SCML4: variants seen among roughly 807,000 people sequenced by gnomAD.
SCML4 encodes the protein sex comb on midleg-like protein 4.
In SCML4, 34 loss-of-function variants were observed where a neutral mutation model predicts 41.1. That is an observed-to-expected ratio of 0.83 (90% CI 0.63 to 1.10). The LOEUF (loss-of-function observed/expected upper bound fraction) is 1.10. Ranked by LOEUF, SCML4 falls within the 50% of genes least tolerant of loss-of-function variation. SCML4 has a pLI of 0.00. For missense variants in SCML4, 522 were observed against 534.1 expected (o/e 0.98, Z 0.22); for synonymous variants, 214 against 220.9 (o/e 0.97, Z 0.28).
chr6:107,759,529 A>G (rs925759684), intron 2 of SCML4, among the ~76,000 whole-genome samples: 1 of 152,190 alleles, frequency 6.6e-6, no homozygotes, highest in African/African-American at 2.4e-5. Context: ...GTACTTTGAG[A>G]TGGAACTGAA....
intron 1 of SCML4, 71 bp from the exon 2 acceptor site, chr6:107,772,457 T>A (rs1780600746): frequency 1.2e-6 from 1 of 851,892 alleles, no homozygotes; most frequent in Non-Finnish European, 1.7e-6. Flanking sequence ...GCAAACATGA[T>A]CCTGTCTGGT....
chr6:107,739,410 G>A (rs1335633119), intron 5 of SCML4, among the ~76,000 whole-genome samples: 1 of 151,706 alleles, frequency 6.6e-6, no homozygotes. Flanking sequence ...TCTTTCCATA[G>A]TTCCTTAGCT....
At chr6:107,803,627 A>G (rs531762881) in intron 1 of SCML4, among the ~76,000 whole-genome samples, 60 of 145,550 alleles carry the variant, frequency 4.1e-4, no homozygotes, top group Admixed American at 1.5e-3. Flanking sequence ...GGTGGGGAAA[A>G]GATTGAGAAA....
intron 5 of SCML4, among the ~76,000 whole-genome samples, chr6:107,725,735 A>G (rs143670385): frequency 2.6e-5 from 4 of 152,366 alleles, no homozygotes; most frequent in Non-Finnish European, 4.4e-5. Flanking sequence ...TGACACCAAA[A>G]GCACAAGCAA....
Position 107,703,929 on chromosome 6 carries a change from G to A in SCML4, c.*1271C>T, listed in dbSNP as rs1773377929. ...TGAAAGAAGAAGAAGAGAGGTGGAGGGAAACAGAGAAAAGAGAAGGATAAA... is the reference window on the plus strand; with the variant it reads ...TGAAAGAAGAAGAAGAGAGGTGGAGAGAAACAGAGAAAAGAGAAGGATAAA... On this transcript the variant is annotated 3_prime_UTR_variant, in exon 8 of 8. Coordinates refer to ENST00000369020, the MANE Select transcript of SCML4 (RefSeq NM_198081.5). 6.6e-6 allele frequency among the ~76,000 whole-genome samples: 1 copy of A among 152,202 alleles called. No individual in the cohort carries two copies. The highest frequency in any genetic ancestry group is 6.5e-5 in the Admixed American group (1 of 15,282).
intron 6 of SCML4, 127 bp from the exon 7 acceptor site, chr6:107,708,138 C>G: frequency 9.4e-7 from 1 of 1,059,982 alleles, no homozygotes; most frequent in Non-Finnish European, 1.3e-6. Flanking sequence ...GGACCTGGCC[C>G]AAGTGACCTC....
At chr6:107,779,482 A>C (rs1306217690) in intron 1 of SCML4, among the ~76,000 whole-genome samples, 1 of 152,140 alleles carries the variant, frequency 6.6e-6, no homozygotes, top group Admixed American at 6.5e-5. Flanking sequence ...AAGCCAGCCC[A>C]ACTGGAAGCA....
chr6:107,797,826 A>G (rs1294943248), intron 1 of SCML4, among the ~76,000 whole-genome samples: 1 of 151,932 alleles, frequency 6.6e-6, no homozygotes, highest in Non-Finnish European at 1.5e-5. Flanking sequence ...AGGTTTTTTT[A>G]ATCGTGAACA....
intron 1 of SCML4, among the ~76,000 whole-genome samples, chr6:107,781,970 T>C (rs569230929): frequency 1.3e-5 from 2 of 152,202 alleles, no homozygotes; most frequent in East Asian, 3.9e-4. Context: ...CATTCCACCA[T>C]TGGCTAAACC....
upstream of SCML4, among the ~76,000 whole-genome samples, chr6:107,828,583 A>G (rs958764083): frequency 4.6e-5 from 7 of 152,214 alleles, no homozygotes; most frequent in Admixed American, 1.3e-4. Context: ...GCATGGAGAA[A>G]GAACACGAAG....
At chr6:107,845,764 G>A in the SCML4 span, among the ~76,000 whole-genome samples, 8 of 152,200 alleles carry the variant, frequency 5.3e-5, no homozygotes, top group African/African-American at 1.9e-4. Context: ...GGAGACACAG[G>A]GCTTTATGAG....
At position 107,746,624 on chromosome 6, in the gene SCML4, G is replaced by C. The variant is rs539585407; in HGVS notation, c.487+65C>G. 3.4e-4 allele frequency: 499 copies of C among 1,446,678 alleles called. 1 individual carries two copies. Among genetic ancestry groups the C allele is most frequent in the Middle Eastern group, 1.6e-3 (9 of 5,652 alleles). 89.6% of individuals were successfully genotyped at this position (1,446,678 alleles called of 1,614,324 possible). A position where few individuals can be genotyped will look rare whatever the true frequency, so the allele number is the denominator to read the frequency against. ...CCACACCTGCTGTCTCCAGGCCTGAGTATGGCTGCTTCCTCTGCAGAGAGA... is the reference window on the plus strand; with the variant it reads ...CCACACCTGCTGTCTCCAGGCCTGACTATGGCTGCTTCCTCTGCAGAGAGA... On this transcript the variant is annotated intron_variant, in intron 4 of 7. Coordinates refer to ENST00000369020, the MANE Select transcript of SCML4 (RefSeq NM_198081.5).
At chr6:107,779,467 GGGGT>G (rs1300099462) in intron 1 of SCML4, among the ~76,000 whole-genome samples, 1 of 152,150 alleles carries the variant, frequency 6.6e-6, no homozygotes. Flanking sequence ...GCATGGAGAA[GGGGT>G]AAGCCAGCCC....
intron 2 of SCML4, among the ~76,000 whole-genome samples, chr6:107,754,945 A>C (rs1208073696): frequency 6.6e-6 from 1 of 152,146 alleles, no homozygotes; most frequent in African/African-American, 2.4e-5. Flanking sequence ...TGTACTAAAA[A>C]TTTTAAAAAT....
chr6:107,785,978 C>T lies in SCML4; in HGVS notation c.-59-13592G>A, dbSNP rs113039772. ...ACTCCAAGGGGGCCTTGGGGTGCTCCCATTTTGCTACCAACCCTAGAGGAC... is the reference window on the plus strand; with the variant it reads ...ACTCCAAGGGGGCCTTGGGGTGCTCTCATTTTGCTACCAACCCTAGAGGAC... On this transcript the variant is annotated intron_variant, in intron 1 of 7. Coordinates refer to ENST00000369020, the MANE Select transcript of SCML4 (RefSeq NM_198081.5). Among the ~76,000 whole-genome samples, 453 of 151,282 alleles carry T rather than the reference C, an allele frequency of 3.0e-3. 3 individuals are homozygous for T. Among genetic ancestry groups the T allele is most frequent in the Non-Finnish European group, 4.8e-3 (326 of 68,018 alleles).
At chr6:107,802,596 A>AAGGG (rs1783244525) in intron 1 of SCML4, among the ~76,000 whole-genome samples, 1 of 128,994 alleles carries the variant, frequency 7.8e-6, no homozygotes, top group African/African-American at 3.0e-5. Flanking sequence ...GGAAGGAAGG[A>AAGGG]AGGAAGGAAG....
rs1235102010 is a variant in SCML4 at position 107,739,038 on chromosome 6, C to A, written c.682+5911G>T. On this transcript the variant is annotated intron_variant, in intron 5 of 7. Transcript: ENST00000369020. ...TTTACAATGTCAACTCCACCTGACT[C>A]CCAAGGGAACTATCTTCTGAGAGTT... 5.9e-5 allele frequency among the ~76,000 whole-genome samples: 9 copies of A among 152,264 alleles called. No individual in the cohort carries two copies. The East Asian group carries it at 1.7e-3, about 29-fold the overall frequency.
At chr6:107,796,527 T>C (rs1782728547) in intron 1 of SCML4, among the ~76,000 whole-genome samples, 1 of 152,226 alleles carries the variant, frequency 6.6e-6, no homozygotes, top group South Asian at 2.1e-4. Context: ...GAGTTCTTTA[T>C]ATATTCTAGA....
At chr6:107,795,386 T>G (rs1227347166) in intron 1 of SCML4, among the ~76,000 whole-genome samples, 1 of 152,226 alleles carries the variant, frequency 6.6e-6, no homozygotes, top group Non-Finnish European at 1.5e-5. Context: ...TTAAAATATT[T>G]TTCTTAATTG....
Sources: gnomAD v4.1 joint callset for allele counts (sites outside exome capture counted in the v4.1 genomes callset) on GRCh38, gnomAD v4.1.1 for gene constraint, MANE v1.5 for transcripts, NCBI Gene and HGNC (gene_info 2026-07-23, HGNC 2026-07-21) for gene names.